CACNA2D1: variants seen among roughly 807,000 people sequenced by gnomAD.
The protein encoded by CACNA2D1 is voltage-dependent calcium channel subunit alpha-2/delta-1.
CACNA2D1 carries 53 observed loss-of-function variants against 171.5 expected under a neutral mutation model. The observed-to-expected ratio is 0.31, with a 90% CI of 0.25 to 0.39. The LOEUF is 0.39. Among genes scored for constraint, CACNA2D1 ranks in the 10% least tolerant of loss-of-function variants. CACNA2D1 has a pLI of 1.00. For missense variants in CACNA2D1, 903 were observed against 1,299.8 expected, an observed-to-expected ratio of 0.69 and a Z score of 4.69; for synonymous variants, 442 against 443.1, an observed-to-expected ratio of 1.00 and a Z score of 0.03.
At chr7:82,276,457 A>T (rs1001137359) in intron 3 of CACNA2D1, among the ~76,000 whole-genome samples, 6 of 152,308 alleles carry the variant, frequency 3.9e-5, no homozygotes, top group Admixed American at 3.9e-4. Context: ...TCAGGGCAGC[A>T]ATAGCCAGTT....
At chr7:82,000,147 T>G (rs1798435746) in intron 18 of CACNA2D1, among the ~76,000 whole-genome samples, 1 of 152,020 alleles carries the variant, frequency 6.6e-6, no homozygotes, top group Non-Finnish European at 1.5e-5. Flanking sequence ...TAATCCCAGC[T>G]ACTCGGGAGG....
chr7:81,991,848 T>A (rs1247586295), intron 20 of CACNA2D1, among the ~76,000 whole-genome samples: 1 of 151,974 alleles, frequency 6.6e-6, no homozygotes, highest in East Asian at 1.9e-4. Context: ...ATTTTTTTTT[T>A]TTTTTAGACG....
chr7:82,387,461 T>C (rs913037373), intron 1 of CACNA2D1, among the ~76,000 whole-genome samples: 3 of 152,192 alleles, frequency 2.0e-5, no homozygotes, highest in East Asian at 1.9e-4. Flanking sequence ...TTAGCAATAT[T>C]GTTAGCTGCT....
intron 1 of CACNA2D1, among the ~76,000 whole-genome samples, chr7:82,385,639 GT>G (rs1824261006): frequency 7.1e-6 from 1 of 141,648 alleles, no homozygotes; most frequent in African/African-American, 2.9e-5. Flanking sequence ...TATTTAAGGG[GT>G]TTTTTGGTTG....
chr7:82,066,806 T>A (rs902649377), intron 7 of CACNA2D1, among the ~76,000 whole-genome samples: 12 of 152,126 alleles, frequency 7.9e-5, no homozygotes, highest in Admixed American at 7.2e-4. Context: ...TAATATGTTT[T>A]AGTAGGTGTC....
chr7:81,956,235 A>G (rs1584155912), intron 38 of CACNA2D1, among the ~76,000 whole-genome samples: 1 of 151,656 alleles, frequency 6.6e-6, no homozygotes, highest in Non-Finnish European at 1.5e-5. Flanking sequence ...CGGCCTCCCA[A>G]AGTGCTGGGA....
intron 3 of CACNA2D1, among the ~76,000 whole-genome samples, chr7:82,230,296 A>G (rs949154178): frequency 6.6e-6 from 1 of 152,158 alleles, no homozygotes; most frequent in African/African-American, 2.4e-5. Flanking sequence ...TTTGGTGTCT[A>G]GTTTCTTTCA....
intron 5 of CACNA2D1, among the ~76,000 whole-genome samples, chr7:82,130,282 C>T (rs2129068548): frequency 1.3e-5 from 2 of 152,142 alleles, no homozygotes; most frequent in South Asian, 4.2e-4. Context: ...TTGGCTGTGC[C>T]TTCAAGAAGG....
intron 11 of CACNA2D1, 33 bp downstream of exon 11, chr7:82,038,044 C>T (rs1470548227): frequency 6.2e-7 from 1 of 1,606,400 alleles, no homozygotes; most frequent in East Asian, 2.2e-5. Context: ...AATTGAACAA[C>T]AACAACAACA....
At chr7:82,306,569 T>C (rs770757301) in intron 3 of CACNA2D1, among the ~76,000 whole-genome samples, 17 of 152,310 alleles carry the variant, frequency 1.1e-4, no homozygotes, top group Non-Finnish European at 2.5e-4. Context: ...CACAAATTTC[T>C]GAGAGACTGG....
intron 1 of CACNA2D1, among the ~76,000 whole-genome samples, chr7:82,419,964 T>C (rs1446650531): frequency 2.0e-5 from 3 of 152,268 alleles, no homozygotes; most frequent in Non-Finnish European, 2.9e-5. Flanking sequence ...ATTTACTATG[T>C]AGAGAGAGGC....
intron 10 of CACNA2D1, among the ~76,000 whole-genome samples, chr7:82,053,124 T>C (rs954923115): frequency 1.3e-5 from 2 of 151,778 alleles, no homozygotes; most frequent in African/African-American, 2.4e-5. Context: ...TGGTGGCGGG[T>C]GCCTGTATTC....
At chr7:82,044,204 C>T (rs933268618) in intron 10 of CACNA2D1, among the ~76,000 whole-genome samples, 6 of 152,094 alleles carry the variant, frequency 3.9e-5, no homozygotes, top group Non-Finnish European at 5.9e-5. Context: ...TCTATTAATT[C>T]GCATCCCTTC....
At chr7:82,173,049 G>C (rs1320519656) in intron 3 of CACNA2D1, among the ~76,000 whole-genome samples, 1 of 151,984 alleles carries the variant, frequency 6.6e-6, no homozygotes, top group African/African-American at 2.4e-5. Context: ...GGTACCAGCT[G>C]TTAACTCTAC....
At chr7:82,111,313 T>TATAC (rs1421438211) in intron 6 of CACNA2D1, among the ~76,000 whole-genome samples, 9,699 of 103,302 alleles carry the variant, frequency 0.094, 485 homozygotes, top group Middle Eastern at 0.17. Flanking sequence ...TATATATATA[T>TATAC]ACGTGTATAT....
chr7:82,215,355 G>A (rs117302072), intron 3 of CACNA2D1, among the ~76,000 whole-genome samples: 4,589 of 152,226 alleles, frequency 0.03, 99 homozygotes, highest in Middle Eastern at 0.051. Context: ...CTTCTTCCTT[G>A]GCAATACTTG....
At chr7:82,345,211 C>T (rs568028906) in intron 2 of CACNA2D1, among the ~76,000 whole-genome samples, 9 of 152,192 alleles carry the variant, frequency 5.9e-5, no homozygotes, top group South Asian at 2.1e-4. Context: ...TCACTCAGAA[C>T]GCTTATGTAA....
chr7:82,369,313 T>C (rs1822103036), intron 1 of CACNA2D1, among the ~76,000 whole-genome samples: 1 of 151,744 alleles, frequency 6.6e-6, no homozygotes, highest in African/African-American at 2.4e-5. Context: ...TAACTGTCTT[T>C]GCCACCCCCT....
chr7:82,425,853 G>A (rs560460529), intron 1 of CACNA2D1, among the ~76,000 whole-genome samples: 4 of 151,250 alleles, frequency 2.6e-5, no homozygotes, highest in African/African-American at 9.7e-5. Flanking sequence ...TTGGGGCTGG[G>A]CGTGGTGGCT....
Sources: gnomAD v4.1 joint callset for allele counts (sites outside exome capture counted in the v4.1 genomes callset) on GRCh38, gnomAD v4.1.1 for gene constraint, MANE v1.5 for transcripts, NCBI Gene and HGNC (gene_info 2026-07-23, HGNC 2026-07-21) for gene names.